Variants in CDK15 observed in about 807,000 individuals in gnomAD.
The protein encoded by CDK15 is cyclin-dependent kinase 15.
Under a neutral mutation model 60.3 loss-of-function variants are expected in CDK15, and 62 were observed. The ratio of observed to expected loss-of-function variants is 1.03; its 90% CI spans 0.84 to 1.27. The LOEUF (loss-of-function observed/expected upper bound fraction) is 1.27. CDK15 is among the 50% of genes most tolerant of loss of function. The pLI is 0.00. For missense variants in CDK15, 541 were observed against 527.8 expected, an observed-to-expected ratio of 1.03 and a Z score of -0.25; for synonymous variants, 194 against 195.7, an observed-to-expected ratio of 0.99 and a Z score of 0.07.
intron 10 of CDK15, 82 bp downstream of exon 10, chr2:201,855,019 T>C (rs1308311949): frequency 2.4e-6 from 3 of 1,264,532 alleles, no homozygotes; most frequent in Non-Finnish European, 3.5e-6. Context: ...GGCGTTCTTG[T>C]ATTGTGAACT....
intron 10 of CDK15, among the ~76,000 whole-genome samples, chr2:201,864,620 A>G (rs1698537977): frequency 6.6e-6 from 1 of 151,990 alleles, no homozygotes; most frequent in Non-Finnish European, 1.5e-5. Context: ...TGCCTGCCCT[A>G]GGGATGGTTT....
At chr2:201,815,642 T>C (rs534309812) in intron 4 of CDK15, among the ~76,000 whole-genome samples, 33 of 152,352 alleles carry the variant, frequency 2.2e-4, no homozygotes, top group African/African-American at 7.9e-4. Flanking sequence ...CTTAGTTTTA[T>C]GAAACTTTAT....
At chr2:201,866,059 G>T (rs913363843) in intron 10 of CDK15, among the ~76,000 whole-genome samples, 3 of 150,864 alleles carry the variant, frequency 2.0e-5, no homozygotes, top group Non-Finnish European at 4.4e-5. Context: ...TGGGGTGAGG[G>T]TGAAGGGCAC....
In CDK15 at chr2:201,833,214, G is replaced by T. The variant is rs191738778; in HGVS notation, c.607-634G>T. 2.3e-4 allele frequency among the ~76,000 whole-genome samples: 33 copies of T among 146,404 alleles called. 1 individual carries two copies. Among genetic ancestry groups the T allele is most frequent in the African/African-American group, 5.8e-4 (23 of 39,988 alleles). On this transcript the variant is annotated intron_variant, in intron 6 of 13. Coordinates refer to ENST00000652192, the MANE Select transcript of CDK15 (RefSeq NM_001366386.2). ...TATTCTTTTTTGATTTTTTTTGAGG[G>T]GGGGGGTCTAACTTATTTTGGTCTC... is the stretch of plus-strand genomic sequence containing the variant.
intron 4 of CDK15, among the ~76,000 whole-genome samples, chr2:201,819,342 A>G (rs997873870): frequency 6.6e-6 from 1 of 152,238 alleles, no homozygotes; most frequent in Admixed American, 6.5e-5. Context: ...ATGTGTTTGC[A>G]AGTGTGTCTA....
At chr2:201,806,856 G>A (rs1695534045) in intron 1 of CDK15, 69 bp downstream of exon 1, 2 of 1,553,664 alleles carry the variant, frequency 1.3e-6, no homozygotes, top group African/African-American at 1.3e-5. Flanking sequence ...CTCCCTTTTT[G>A]TAGCGGGATC....
intron 10 of CDK15, among the ~76,000 whole-genome samples, chr2:201,858,876 G>A (rs1397723434): frequency 6.6e-6 from 1 of 152,048 alleles, no homozygotes; most frequent in African/African-American, 2.4e-5. Flanking sequence ...TCAAAGAAGT[G>A]GGTGTTGCTC....
chr2:201,845,288 T>A (rs1282282703), intron 8 of CDK15, among the ~76,000 whole-genome samples: 1 of 152,164 alleles, frequency 6.6e-6, no homozygotes, highest in Admixed American at 6.5e-5. Flanking sequence ...TAAAACCAAA[T>A]ATTTGATTAT....
chr2:201,874,053 CAAAAAAAAAAA>C lies in CDK15; in HGVS notation c.1058+1745_1058+1755del, dbSNP rs61612545. Among the ~76,000 whole-genome samples the C allele has an allele frequency of 1.6e-3, 177 of 113,916 alleles. 5 individuals are homozygous for C. In the East Asian group the frequency reaches 0.02, roughly 13 times the overall value. The allele number at this position is 113,916 out of a possible 152,430, so 74.7% of individuals were successfully genotyped here. A position where few individuals can be genotyped will look rare whatever the true frequency, so the allele number is the denominator to read the frequency against. On this transcript the variant is annotated intron_variant, in intron 11 of 13. Coordinates refer to ENST00000652192, the MANE Select transcript of CDK15 (RefSeq NM_001366386.2). The stretch of plus-strand genomic sequence containing the variant: ...TGGGAGACAGAGTGAGACTCCGTCT[CAAAAAAAAAAA>C]AAAAAAAAAAAAAAAAAGTTGGGGG...
intron 8 of CDK15, among the ~76,000 whole-genome samples, chr2:201,837,024 C>T (rs1368490939): frequency 2.6e-5 from 4 of 151,900 alleles, no homozygotes; most frequent in African/African-American, 4.8e-5. Context: ...CTGGGCTTGC[C>T]GTCTCATGCC....
intron 10 of CDK15, among the ~76,000 whole-genome samples, chr2:201,862,382 T>C (rs1698437504): frequency 6.6e-6 from 1 of 152,228 alleles, no homozygotes; most frequent in African/African-American, 2.4e-5. Context: ...TCTAGTATTT[T>C]ACACAAGCCC....
intron 11 of CDK15, among the ~76,000 whole-genome samples, chr2:201,874,976 T>C (rs530809052): frequency 3.3e-5 from 5 of 151,398 alleles, no homozygotes; most frequent in Non-Finnish European, 7.4e-5. Context: ...TCAGTGGCAG[T>C]GCTGTGGGTG....
At chr2:201,837,303 C>CAGAGAGAGAG (rs112414025) in intron 8 of CDK15, among the ~76,000 whole-genome samples, 14 of 123,596 alleles carry the variant, frequency 1.1e-4, no homozygotes, top group Non-Finnish European at 2.2e-4. Context: ...AAGAAAGAAA[C>CAGAGAGAGAG]AGAGAGAGAG....
intron 11 of CDK15, among the ~76,000 whole-genome samples, chr2:201,879,650 C>T (rs1054965808): frequency 1.3e-5 from 2 of 152,190 alleles, no homozygotes; most frequent in Non-Finnish European, 1.5e-5. Flanking sequence ...AGAGTTCGAT[C>T]GTATTTTGAA....
intron 12 of CDK15, among the ~76,000 whole-genome samples, chr2:201,887,582 T>A (rs1699498925): frequency 6.6e-6 from 1 of 152,206 alleles, no homozygotes; most frequent in South Asian, 2.1e-4. Flanking sequence ...TAACACTAGT[T>A]TTCTTTACCC....
rs536213517 is a variant in CDK15, at chr2:201,857,247, AAG to A, written c.1009+2312_1009+2313del. Among the ~76,000 whole-genome samples, 140 of 140,330 alleles carry A rather than the reference AAG, an allele frequency of 1.0e-3. 33 individuals are homozygous for A. In the South Asian group the frequency reaches 0.034, roughly 34 times the overall value. 92.1% of individuals were successfully genotyped at this position (140,330 alleles called of 152,430 possible). On this transcript the variant is annotated intron_variant, in intron 10 of 13. Coordinates refer to ENST00000652192, the MANE Select transcript of CDK15 (RefSeq NM_001366386.2). ...GACTCCGTCTCAAAAAAAAAAAAAA[AAG>A]ATAACTGGGTTCCAATAAAACAGAG...
chr2:201,824,217 C>T (rs1187296760), intron 6 of CDK15, among the ~76,000 whole-genome samples: 3 of 152,164 alleles, frequency 2.0e-5, no homozygotes, highest in African/African-American at 2.4e-5. Context: ...TATAATTCTA[C>T]ATCTGTTATA....
chr2:201,828,029 G>T (rs1285862504), intron 6 of CDK15, among the ~76,000 whole-genome samples: 3 of 152,200 alleles, frequency 2.0e-5, no homozygotes, highest in African/African-American at 7.2e-5. Flanking sequence ...TCACCTCTTG[G>T]TAATGTGAGC....
At chr2:201,883,218 A>G (rs1234985423) in intron 12 of CDK15, among the ~76,000 whole-genome samples, 2 of 152,222 alleles carry the variant, frequency 1.3e-5, no homozygotes, top group Admixed American at 1.3e-4. Context: ...CAGAGTTGTC[A>G]CTTTAAAATA....
Sources: allele counts gnomAD v4.1 joint callset (sites outside exome capture counted in the v4.1 genomes callset), GRCh38; gene constraint gnomAD v4.1.1; transcripts MANE v1.5; gene names NCBI Gene and HGNC (gene_info 2026-07-23, HGNC 2026-07-21).